Variants in PAPSS2 observed in about 807,000 individuals in gnomAD.
PAPSS2 encodes the protein bifunctional 3'-phosphoadenosine 5'-phosphosulfate synthase 2.
A neutral mutation model predicts 66.5 loss-of-function variants in PAPSS2; 61 were observed. That is an observed-to-expected ratio of 0.92 (90% CI 0.75 to 1.14). PAPSS2 has a LOEUF of 1.14. Among genes scored for constraint, PAPSS2 ranks in the 50% most tolerant of loss-of-function variants. The probability of loss-of-function intolerance (pLI) is 0.00; values close to 1 mark genes in which losing one functional copy is unlikely to be tolerated. For missense variants in PAPSS2, 708 were observed against 789.6 expected, an observed-to-expected ratio of 0.90 and a Z score of 1.24; for synonymous variants, 289 against 287.5, an observed-to-expected ratio of 1.01 and a Z score of -0.05.
At chr10:87,726,228 G>C (rs1382766551) in intron 8 of PAPSS2, among the ~76,000 whole-genome samples, 2 of 152,100 alleles carry the variant, frequency 1.3e-5, no homozygotes, top group Non-Finnish European at 2.9e-5. Flanking sequence ...TCAAGAGATC[G>C]AGACCATCCT....
intron 1 of PAPSS2, among the ~76,000 whole-genome samples, chr10:87,665,414 C>T (rs1210609779): frequency 2.6e-5 from 4 of 152,126 alleles, no homozygotes; most frequent in Non-Finnish European, 4.4e-5. Context: ...GGTTTCACCG[C>T]GTTAACCAGG....
intron 10 of PAPSS2, 85 bp from the exon 11 acceptor site, chr10:87,743,288 A>C: frequency 7.1e-7 from 1 of 1,414,544 alleles, no homozygotes; most frequent in Non-Finnish European, 1.0e-6. Flanking sequence ...ACAGAACAAT[A>C]AACATAGCTG....
At chr10:87,736,004 C>G (rs1417826457) in intron 9 of PAPSS2, among the ~76,000 whole-genome samples, 1 of 152,176 alleles carries the variant, frequency 6.6e-6, no homozygotes, top group African/African-American at 2.4e-5. Flanking sequence ...CTCACTCACT[C>G]TTGCCTCCCT....
rs1036387100 is a variant in PAPSS2 at position 87,746,027 on chromosome 10, A to T, written c.*57A>T. On this transcript the variant is annotated 3_prime_UTR_variant, in exon 13 of 13. Coordinates refer to ENST00000456849, the MANE Select transcript of PAPSS2 (RefSeq NM_001015880.2). ...CTCTTTGATTACCTTTTCTATTTTT[A>T]TGATTAGATGCTTTGTATTAAATTG... The T allele has an allele frequency of 2.0e-6, 3 of 1,513,654 alleles. No homozygotes were observed. Among genetic ancestry groups the T allele is most frequent in the Non-Finnish European group, 9.2e-7 (1 of 1,089,758 alleles). 93.8% of individuals were successfully genotyped at this position (1,513,654 alleles called of 1,614,324 possible). A position where few individuals can be genotyped will look rare whatever the true frequency, so the allele number is the denominator to read the frequency against.
chr10:87,699,381 C>T (rs4934360), intron 1 of PAPSS2, among the ~76,000 whole-genome samples: 73,068 of 152,072 alleles, frequency 0.48, 18,222 homozygotes, highest in East Asian at 0.65. Context: ...CTCCTGGGCT[C>T]GAGGGGTCCT....
chr10:87,659,882 G>C lies in PAPSS2; in HGVS notation c.-100G>C. The C allele has an allele frequency of 1.1e-6, 1 of 876,562 alleles. No homozygotes were observed. Among genetic ancestry groups the C allele is most frequent in the Non-Finnish European group, 1.7e-6 (1 of 602,666 alleles). The allele number at this position is 876,562 out of a possible 1,614,324, so 54.3% of individuals were successfully genotyped here. On this transcript the variant is annotated 5_prime_UTR_variant, in exon 1 of 13. Transcript: ENST00000456849. Reference sequence around the variant, plus strand: ...CCTCCTTCCCGGGAGTCCGGCAGCCGCTGCTGCTGCTGCTGCTGCTGCTGC... The same window carrying C: ...CCTCCTTCCCGGGAGTCCGGCAGCCCCTGCTGCTGCTGCTGCTGCTGCTGC...
chr10:87,736,871 C>T lies in PAPSS2; in HGVS notation c.1087-4364C>T, dbSNP rs1265890086. Among the ~76,000 whole-genome samples the T allele has an allele frequency of 4.6e-5, 7 of 152,276 alleles. No individual in the cohort carries two copies. The East Asian group carries it at 5.8e-4, about 13-fold the overall frequency. On this transcript the variant is annotated intron_variant, in intron 9 of 12. Coordinates refer to ENST00000456849, the MANE Select transcript of PAPSS2 (RefSeq NM_001015880.2). ...CTTCTCCTTCTATGCTTGGCCTCTT[C>T]CTATGCTATGTGGGTCCTCTGGATT...
intron 7 of PAPSS2, among the ~76,000 whole-genome samples, chr10:87,718,954 C>T (rs1207494102): frequency 3.9e-5 from 6 of 152,126 alleles, no homozygotes; most frequent in Admixed American, 3.9e-4. Flanking sequence ...GCTGCAGGAC[C>T]TGTGTCTGAA....
At chr10:87,721,357 G>C (rs1853597501) in intron 7 of PAPSS2, among the ~76,000 whole-genome samples, 1 of 152,152 alleles carries the variant, frequency 6.6e-6, no homozygotes. Flanking sequence ...CCAAAGCCTA[G>C]TTTGGAAACT....
At chr10:87,744,352 A>T (rs1319650741) in intron 11 of PAPSS2, among the ~76,000 whole-genome samples, 1 of 151,350 alleles carries the variant, frequency 6.6e-6, no homozygotes, top group Non-Finnish European at 1.5e-5. Context: ...CTTATCAAAC[A>T]GAGATTTTCT....
chr10:87,706,593 C>CAAA (rs5786789), intron 1 of PAPSS2, among the ~76,000 whole-genome samples: 1 of 77,692 alleles, frequency 1.3e-5, no homozygotes, highest in Non-Finnish European at 3.0e-5. Context: ...CCTATCTGTA[C>CAAA]AAAAAAAAAA....
In PAPSS2 at chr10:87,745,047, T is replaced by C; in HGVS notation, c.1537T>C (p.Tyr513His). Residue 513 changes from tyrosine to histidine, a missense_variant, in exon 12 of 13, where the codon TAC becomes CAC. By Grantham distance (83) the Tyr-to-His change is moderately conservative (BLOSUM62 2). Coordinates refer to ENST00000456849, the MANE Select transcript of PAPSS2 (RefSeq NM_001015880.2). ...CCGGATGATTGCGGGTGCCAATTTC[T>C]ACATTGTGGGGAGGGACCCTGCAGG... ...RSRMIAGANF[Y>H]IVGRDPAGMP... 1 of 1,614,134 alleles carries C rather than the reference T, an allele frequency of 6.2e-7. No homozygotes were observed. Among genetic ancestry groups the C allele is most frequent in the Non-Finnish European group, 8.5e-7 (1 of 1,179,990 alleles).
intron 2 of PAPSS2, 54 bp from the exon 3 acceptor site, chr10:87,713,021 T>C: frequency 4.2e-6 from 4 of 945,344 alleles, no homozygotes; most frequent in Non-Finnish European, 7.0e-6. Context: ...GTTCACAATT[T>C]GTCATCTTAA....
At chr10:87,732,053 G>C (rs764699510) in intron 9 of PAPSS2, among the ~76,000 whole-genome samples, 2 of 152,130 alleles carry the variant, frequency 1.3e-5, no homozygotes, top group Non-Finnish European at 2.9e-5. Context: ...ATGAAAGAAA[G>C]AGTCAATTGA....
chr10:87,743,232 G>C (rs1313279211), intron 10 of PAPSS2, 141 bp from the exon 11 acceptor site: 65 of 887,084 alleles, frequency 7.3e-5, no homozygotes, highest in Admixed American at 1.7e-4. Flanking sequence ...GCAACAGAGT[G>C]AGACTCTTTC....
intron 1 of PAPSS2, among the ~76,000 whole-genome samples, chr10:87,662,948 A>AGCTCACT (rs1296454509): frequency 1.3e-5 from 2 of 150,646 alleles, no homozygotes; most frequent in Admixed American, 1.3e-4. Context: ...GCATGATCTC[A>AGCTCACT]GCTCACTGCA....
Position 87,743,637 on chromosome 10 carries a change from C to T in PAPSS2, c.1487C>T (p.Thr496Ile). 1 of 1,614,158 alleles carries T rather than the reference C, an allele frequency of 6.2e-7. No homozygotes were observed. Among genetic ancestry groups the T allele is most frequent in the South Asian group, 1.1e-5 (1 of 91,078 alleles). ...TCTCCCATGTTATATGCTGGCCCCA[C>T]AGAGGTGAGCAATTCCCAGAGCTGG... The part of the protein sequence containing the change: ...FPSPMLYAGP[T>I]EVQWHCRSRM... The change falls in exon 11 of 13, where the codon ACA becomes ATA. Residue 496 changes from threonine (T) to isoleucine (I), a missense_variant. Physicochemically the swap from Thr to Ile is moderately conservative, Grantham distance 89. Coordinates refer to ENST00000456849, the MANE Select transcript of PAPSS2 (RefSeq NM_001015880.2).
chr10:87,690,376 TA>T (rs1159952771), intron 1 of PAPSS2, among the ~76,000 whole-genome samples: 2 of 152,130 alleles, frequency 1.3e-5, no homozygotes, highest in African/African-American at 4.8e-5. Context: ...AATTTATGCA[TA>T]AAAAACTGAC....
At chr10:87,742,210 T>G (rs796493449) in intron 10 of PAPSS2, among the ~76,000 whole-genome samples, 3 of 152,356 alleles carry the variant, frequency 2.0e-5, no homozygotes, top group African/African-American at 7.2e-5. Context: ...TAGAGATAGC[T>G]GAAGTGTATT....
Sources: gnomAD v4.1 joint callset for allele counts (sites outside exome capture counted in the v4.1 genomes callset) on GRCh38, gnomAD v4.1.1 for gene constraint, MANE v1.5 for transcripts, NCBI Gene and HGNC (gene_info 2026-07-23, HGNC 2026-07-21) for gene names.